Variants in PIEZO2 observed in about 807,000 individuals in gnomAD.
PIEZO2 encodes piezo-type mechanosensitive ion channel component 2.
Under a neutral mutation model 337.3 loss-of-function variants are expected in PIEZO2, and 172 were observed. The observed-to-expected ratio is 0.51, with a 90% CI of 0.45 to 0.58. The LOEUF is 0.58. Among genes scored for constraint, PIEZO2 ranks in the 20% least tolerant of loss-of-function variants. The pLI is 0.00. For synonymous variants in PIEZO2, 1,251 were observed against 1,228.5 expected (o/e 1.02, Z -0.38); for missense variants, 3,028 against 3,391.3 (o/e 0.89, Z 2.66).
intron 7 of PIEZO2, among the ~76,000 whole-genome samples, chr18:10,852,466 T>C (rs1040393322): frequency 1.3e-5 from 2 of 151,250 alleles, no homozygotes; most frequent in Non-Finnish European, 1.5e-5. Context: ...GCATGTGCCC[T>C]CTCTCTCTCT....
chr18:10,725,283 G>A lies in PIEZO2; in HGVS notation c.5029+6124C>T, dbSNP rs1202043369. 9.5e-6 allele frequency: 15 copies of A among 1,571,452 alleles called. No homozygotes were observed. The Admixed American group carries it at 2.3e-4, about 24-fold the overall frequency. Reference sequence around the variant, plus strand: ...AGCTGCTCACCAAGTGCCAGATATGGTCCATTGTGGGTAAATACAGCAGAA... The same window carrying A: ...AGCTGCTCACCAAGTGCCAGATATGATCCATTGTGGGTAAATACAGCAGAA... On this transcript the variant is annotated intron_variant, in intron 36 of 55. Coordinates refer to ENST00000674853, the MANE Select transcript of PIEZO2 (RefSeq NM_001378183.1).
intron 4 of PIEZO2, among the ~76,000 whole-genome samples, chr18:10,879,325 G>A (rs1359889068): frequency 3.9e-5 from 6 of 151,912 alleles, no homozygotes; most frequent in African/African-American, 1.2e-4. Context: ...TGTTTTACAC[G>A]GAAGCACATA....
In PIEZO2 at chr18:11,131,230, G is replaced by T. The variant is rs2040331791; in HGVS notation, c.64+17295C>A. Among the ~76,000 whole-genome samples, 1 of 152,198 alleles carries T rather than the reference G, an allele frequency of 6.6e-6. No homozygotes were observed. The highest frequency in any genetic ancestry group is 2.1e-4 in the South Asian group (1 of 4,828). On this transcript the variant is annotated intron_variant, in intron 1 of 55. Transcript: ENST00000674853. This position sits in a 1 kb window ranked among gnomAD's most constrained non-coding sequence, Gnocchi z 5.3. ...GCTTTCTGACCCATCTAGCCATAAA[G>T]CGTGTCATGCACAGCAGCATTCCAT...
rs772227161 is a variant in PIEZO2 at position 10,705,722 on chromosome 18, C to A, written c.5613G>T (p.Leu1871=). The A allele has an allele frequency of 6.5e-7, 1 of 1,533,900 alleles. No homozygotes were observed. The highest frequency in any genetic ancestry group is 1.2e-5 in the South Asian group (1 of 83,852). ...ASSEPTQCTM[L]YSRQGTTETI... is the part of the protein sequence containing the mutation. ...TCTCAGTGGTCCCCTGGCGTGAGTA[C>A]AGCATGGTACACTGCGTGGGCTCGC... is the stretch of plus-strand genomic sequence containing the variant. Residue 1871 remains leucine (L), a synonymous_variant, in exon 41 of 56, where the codon CTG becomes CTT. Coordinates refer to ENST00000674853, the MANE Select transcript of PIEZO2 (RefSeq NM_001378183.1).
chr18:10,917,419 A>C (rs2031067094), intron 3 of PIEZO2, among the ~76,000 whole-genome samples: 1 of 152,178 alleles, frequency 6.6e-6, no homozygotes, highest in Admixed American at 6.5e-5. Context: ...ACTGGAAAAG[A>C]AGACATCTCT....
rs566647332 is a variant in PIEZO2, at chr18:11,132,261, C to T, written c.64+16264G>A. Among the ~76,000 whole-genome samples, 4 of 152,158 alleles carry T rather than the reference C, an allele frequency of 2.6e-5. No individual in the cohort carries two copies. The highest frequency in any genetic ancestry group is 6.5e-5 in the Admixed American group (1 of 15,284). On this transcript the variant is annotated intron_variant, in intron 1 of 55. Transcript: ENST00000674853. This position sits in a 1 kb window ranked among gnomAD's most constrained non-coding sequence, Gnocchi z 4.7. ...TATCCACCAACATGGTATTCCACAC[C>T]GCATTGCCTCTGACCAAGGCACTCA...
chr18:10,862,756 G>A lies in PIEZO2; in HGVS notation c.493-5545C>T, dbSNP rs983813878. ...CTGTATGATTAAAGTACTCTCTGGG[G>A]TGACCTGAAGCAGCCCCTCCAGAAT... On this transcript the variant is annotated intron_variant, in intron 5 of 55. Coordinates refer to ENST00000674853, the MANE Select transcript of PIEZO2 (RefSeq NM_001378183.1). The surrounding 1 kb of genome is among the most constrained non-coding windows in gnomAD (Gnocchi z 4.4). Among the ~76,000 whole-genome samples the A allele has an allele frequency of 6.6e-6, 1 of 152,222 alleles. No homozygotes were observed. Among genetic ancestry groups the A allele is most frequent in the Non-Finnish European group, 1.5e-5 (1 of 68,034 alleles).
At chr18:11,133,977 G>T (rs1474129683) in intron 1 of PIEZO2, among the ~76,000 whole-genome samples, 1 of 152,064 alleles carries the variant, frequency 6.6e-6, no homozygotes, top group Non-Finnish European at 1.5e-5. Flanking sequence ...TGGTTAGAGG[G>T]TGCAAGAGCC....
intron 7 of PIEZO2, among the ~76,000 whole-genome samples, chr18:10,829,587 A>G (rs1205410581): frequency 7.0e-6 from 1 of 143,530 alleles, no homozygotes; most frequent in Non-Finnish European, 1.5e-5. Flanking sequence ...GAGCTGACAA[A>G]CAAGTTCAAT....
chr18:10,907,260 C>T (rs1226456828), intron 4 of PIEZO2, among the ~76,000 whole-genome samples: 1 of 151,870 alleles, frequency 6.6e-6, no homozygotes, highest in African/African-American at 2.4e-5. Flanking sequence ...CTGGCCAACA[C>T]GGTGAAACCC....
At chr18:11,045,370 T>C (rs1422516454) in intron 2 of PIEZO2, among the ~76,000 whole-genome samples, 11 of 150,720 alleles carry the variant, frequency 7.3e-5, no homozygotes, top group Non-Finnish European at 1.5e-4. Context: ...ATTGAACTTA[T>C]GGCCAACAGC....
rs1310566786 is a variant in PIEZO2, at chr18:11,101,755, CT to C, written c.65-35534del. ...TTAGGTTATTGTTTTTTAAAAAATG[CT>C]AGATTGATAAATATCCTGAGGAAAA... On this transcript the variant is annotated intron_variant, in intron 1 of 55. Transcript: ENST00000674853. The surrounding 1 kb of genome is among the most constrained non-coding windows in gnomAD (Gnocchi z 4.4). 2.0e-5 allele frequency among the ~76,000 whole-genome samples: 3 copies of C among 152,046 alleles called. No individual in the cohort carries two copies. Among genetic ancestry groups the C allele is most frequent in the Non-Finnish European group, 2.9e-5 (2 of 68,016 alleles).
intron 20 of PIEZO2, among the ~76,000 whole-genome samples, chr18:10,772,075 T>C (rs1302111496): frequency 6.6e-6 from 1 of 152,146 alleles, no homozygotes; most frequent in African/African-American, 2.4e-5. Flanking sequence ...AAGAAAAAAA[T>C]GTATGCTGAG....
chr18:10,871,550 G>T, intron 4 of PIEZO2, 135 bp from the exon 5 acceptor site: 1 of 859,268 alleles, frequency 1.2e-6, no homozygotes, highest in Non-Finnish European at 1.7e-6. Flanking sequence ...AAAGGTACAA[G>T]AAAGCTTTTT....
At chr18:10,725,796 A>T (rs1052533350) in intron 36 of PIEZO2, among the ~76,000 whole-genome samples, 6 of 152,186 alleles carry the variant, frequency 3.9e-5, no homozygotes, top group African/African-American at 1.4e-4. Flanking sequence ...CCACCAGGCC[A>T]ACCACCACGC....
intron 39 of PIEZO2, 33 bp downstream of exon 39, chr18:10,714,731 C>CA: frequency 6.5e-7 from 1 of 1,531,892 alleles, no homozygotes; most frequent in Non-Finnish European, 8.7e-7. Flanking sequence ...TTACCTTTGT[C>CA]AAAAGTAAAC....
chr18:10,787,043 T>C lies in PIEZO2; in HGVS notation c.2311A>G (p.Lys771Glu). ...GLWQNMTGLK[K>E]EKLEDLGLKQ... ...CAACTCAAAATCACTTACTTTTCTT[T>C]TTTCAGTCCAGTCATATTTTGCCAC... is the stretch of plus-strand genomic sequence containing the variant. The change falls in exon 16 of 56, where the codon AAA becomes GAA. Residue 771 changes from lysine to glutamate, a missense_variant. Lys to Glu is a moderately conservative substitution (Grantham distance 56). Around this residue, in one of 5 missense-constraint regions of PIEZO2, gnomAD observed 1,925 missense variants for 2,051.9 expected, o/e 0.94. Transcript: ENST00000674853. The C allele has an allele frequency of 6.5e-7, 1 of 1,529,750 alleles. No homozygotes were observed. Among genetic ancestry groups the C allele is most frequent in the Non-Finnish European group, 8.7e-7 (1 of 1,143,744 alleles). 94.8% of individuals were successfully genotyped at this position (1,529,750 alleles called of 1,614,324 possible).
chr18:10,707,057 T>C lies in PIEZO2; in HGVS notation c.5588+1218A>G, dbSNP rs2035617176. ...TGAGCTTTTGATGCCCGCTCAGGTG[T>C]TCAGAATCCCCAGGGCTGTGTCCTT... On this transcript the variant is annotated intron_variant, in intron 40 of 55. Coordinates refer to ENST00000674853, the MANE Select transcript of PIEZO2 (RefSeq NM_001378183.1). This position sits in a 1 kb window ranked among gnomAD's most constrained non-coding sequence, Gnocchi z 4.2. 6.6e-6 allele frequency among the ~76,000 whole-genome samples: 1 copy of C among 152,156 alleles called. No homozygotes were observed. The highest frequency in any genetic ancestry group is 2.1e-4 in the South Asian group (1 of 4,820).
rs563042653 is a variant in PIEZO2, at chr18:11,047,817, C to A, written c.160+18310G>T. ...AGATGCTATTAGACCCCAGGGAATG[C>A]GAATATAATGATGATGACATTGATG... On this transcript the variant is annotated intron_variant, in intron 2 of 55. Coordinates refer to ENST00000674853, the MANE Select transcript of PIEZO2 (RefSeq NM_001378183.1). The surrounding 1 kb of genome is among the most constrained non-coding windows in gnomAD (Gnocchi z 7.2). Among the ~76,000 whole-genome samples, 1 of 152,048 alleles carries A rather than the reference C, an allele frequency of 6.6e-6. No individual in the cohort carries two copies. Among genetic ancestry groups the A allele is most frequent in the Non-Finnish European group, 1.5e-5 (1 of 68,022 alleles).
Sources: allele counts gnomAD v4.1 joint callset (sites outside exome capture counted in the v4.1 genomes callset), GRCh38; gene constraint gnomAD v4.1.1; regional missense constraint gnomAD v4.1.1; non-coding constraint Gnocchi (gnomAD v3.1); transcripts MANE v1.5; gene names NCBI Gene and HGNC (gene_info 2026-07-23, HGNC 2026-07-21).